The following SLC25A33 variants were observed in gnomAD, a reference collection of about 807,000 sequenced individuals.
The protein encoded by SLC25A33 is bone marrow stromal cell mitochondrial carrier protein.
Under a neutral mutation model 35.5 loss-of-function variants are expected in SLC25A33, and 15 were observed. The ratio of observed to expected loss-of-function variants is 0.42; its 90% confidence interval spans 0.28 to 0.65. SLC25A33 has a LOEUF of 0.65. Among genes scored for constraint, SLC25A33 ranks in the 30% least tolerant of loss-of-function variants. The pLI is 0.20. For synonymous variants in SLC25A33, 136 were observed against 148.7 expected (o/e 0.91, Z 0.62); for missense variants, 257 against 398.5 (o/e 0.64, Z 3.02).
intron 1 of SLC25A33, among the ~76,000 whole-genome samples, chr1:9,545,934 G>A (rs1643160480): frequency 6.6e-6 from 1 of 151,384 alleles, no homozygotes; most frequent in South Asian, 2.1e-4. Flanking sequence ...CTGCACTCCA[G>A]CCTGGGCAAC....
chr1:9,541,861 GCC>G (rs1305726373), intron 1 of SLC25A33, among the ~76,000 whole-genome samples: 8 of 151,508 alleles, frequency 5.3e-5, no homozygotes, highest in Non-Finnish European at 1.2e-4. Flanking sequence ...GTGCAGTGGC[GCC>G]ATCTCGGCTC....
chr1:9,565,398 C>T (rs1316270284), intron 2 of SLC25A33, among the ~76,000 whole-genome samples: 2 of 151,656 alleles, frequency 1.3e-5, no homozygotes, highest in Non-Finnish European at 2.9e-5. Flanking sequence ...TGCCTGTAGT[C>T]CCAGCTACTT....
chr1:9,542,925 C>T (rs1312073631), intron 1 of SLC25A33, among the ~76,000 whole-genome samples: 2 of 151,014 alleles, frequency 1.3e-5, no homozygotes, highest in South Asian at 2.1e-4. Flanking sequence ...CAATTTGATT[C>T]GCGTGCCTCA....
chr1:9,555,955 G>T (rs763127683), intron 2 of SLC25A33, among the ~76,000 whole-genome samples: 8 of 152,194 alleles, frequency 5.3e-5, no homozygotes, highest in Admixed American at 1.3e-4. Flanking sequence ...GAAGTACTGG[G>T]ATTATGGGCA....
chr1:9,556,140 C>T (rs1432242499), intron 2 of SLC25A33: 12 of 953,856 alleles, frequency 1.3e-5, no homozygotes, highest in Non-Finnish European at 1.4e-5. Context: ...CAAGATGGGA[C>T]TGTGAGAACA....
chr1:9,550,645 G>A (rs919308577), intron 1 of SLC25A33, among the ~76,000 whole-genome samples: 5 of 151,866 alleles, frequency 3.3e-5, no homozygotes, highest in African/African-American at 7.3e-5. Flanking sequence ...AAGTTTTTAC[G>A]TCTATCATTT....
intron 5 of SLC25A33, among the ~76,000 whole-genome samples, chr1:9,574,425 T>TA (rs1454861979): frequency 6.6e-5 from 10 of 152,216 alleles, no homozygotes; most frequent in African/African-American, 2.4e-4. Flanking sequence ...TTGTCAGTGA[T>TA]ACAGTAGTAT....
intron 6 of SLC25A33, 28 bp downstream of exon 6, chr1:9,580,262 C>T (rs987832484): frequency 3.1e-6 from 5 of 1,601,848 alleles, no homozygotes; most frequent in Non-Finnish European, 4.3e-6. Flanking sequence ...TCTTCCAGAG[C>T]AGTAAAACAG....
At chr1:9,563,838 T>C (rs1254417926) in intron 2 of SLC25A33, among the ~76,000 whole-genome samples, 1 of 152,084 alleles carries the variant, frequency 6.6e-6, no homozygotes, top group Non-Finnish European at 1.5e-5. Context: ...TTTTGTATTT[T>C]TAGTAGAGAC....
chr1:9,552,252 G>A (rs868051230), intron 1 of SLC25A33, among the ~76,000 whole-genome samples: 11 of 152,032 alleles, frequency 7.2e-5, no homozygotes, highest in Admixed American at 7.2e-4. Flanking sequence ...GTCTTGCTCT[G>A]TCACCCAGGC....
intron 2 of SLC25A33, among the ~76,000 whole-genome samples, chr1:9,564,769 C>CAA (rs1643479662): frequency 9.7e-6 from 1 of 102,968 alleles, no homozygotes; most frequent in Non-Finnish European, 2.1e-5. Flanking sequence ...TATATATACA[C>CAA]AAAAATTAGC....
chr1:9,585,019 C>G lies in SLC25A33; in HGVS notation c.*2518C>G, dbSNP rs1389777837. On this transcript the variant is annotated 3_prime_UTR_variant, in exon 7 of 7. Coordinates refer to ENST00000302692, the MANE Select transcript of SLC25A33 (RefSeq NM_032315.3). ...GAGTAACATCTAATTTTAATATTCA[C>G]ATTCCTATTTTAATATTCATATTCG... 1 of 152,210 alleles carries G rather than the reference C, an allele frequency of 6.6e-6. No individual in the cohort carries two copies. Among genetic ancestry groups the G allele is most frequent in the Non-Finnish European group, 1.5e-5 (1 of 68,054 alleles). 9.4% of individuals were successfully genotyped at this position (152,210 alleles called of 1,614,324 possible).
rs1643070888 is a variant in SLC25A33 at position 9,541,014 on chromosome 1, CTG to C, written c.56+1269_56+1270del. On this transcript the variant is annotated intron_variant, in intron 1 of 6. Transcript: ENST00000302692. ...TTTTTTTTTGAGAGGGAGTCTTCCT[CTG>C]TCGCCCAGGCTGGAGTGCAGTGGTG... 2.0e-5 allele frequency among the ~76,000 whole-genome samples: 3 copies of C among 152,120 alleles called. No individual in the cohort carries two copies. In the South Asian group the frequency reaches 6.2e-4, roughly 32 times the overall value.
At chr1:9,556,367 T>A in intron 2 of SLC25A33, 2 of 407,358 alleles carry the variant, frequency 4.9e-6, no homozygotes, top group Non-Finnish European at 6.6e-6. Context: ...AGTGTGGGTG[T>A]CAATAGGGCC....
At chr1:9,552,905 T>C (rs1191709171) in intron 1 of SLC25A33, among the ~76,000 whole-genome samples, 2 of 149,970 alleles carry the variant, frequency 1.3e-5, no homozygotes, top group Non-Finnish European at 3.0e-5. Flanking sequence ...GCTCTGGGAT[T>C]TCAACTTTTT....
At chr1:9,555,740 A>G (rs548295080) in intron 2 of SLC25A33, among the ~76,000 whole-genome samples, 1 of 152,162 alleles carries the variant, frequency 6.6e-6, no homozygotes, top group African/African-American at 2.4e-5. Context: ...GCTGGAGTGC[A>G]GTGGTACGAT....
intron 4 of SLC25A33, among the ~76,000 whole-genome samples, chr1:9,572,566 C>T (rs1197590757): frequency 1.3e-5 from 2 of 151,946 alleles, no homozygotes; most frequent in Admixed American, 6.6e-5. Context: ...TGCAGTGAGC[C>T]GAGATCGCGC....
chr1:9,546,586 T>G (rs1260445570), intron 1 of SLC25A33, among the ~76,000 whole-genome samples: 3 of 152,212 alleles, frequency 2.0e-5, no homozygotes, highest in Non-Finnish European at 4.4e-5. Context: ...CTCAGAACTG[T>G]TAAGACAAGC....
chr1:9,580,722 G>A (rs895567169), intron 6 of SLC25A33, among the ~76,000 whole-genome samples: 1 of 151,938 alleles, frequency 6.6e-6, no homozygotes, highest in African/African-American at 2.4e-5. Flanking sequence ...TGGGCGTGGT[G>A]GCGCACGCCT....
Sources: allele counts gnomAD v4.1 joint callset (sites outside exome capture counted in the v4.1 genomes callset), GRCh38; gene constraint gnomAD v4.1.1; transcripts MANE v1.5; gene names NCBI Gene and HGNC (gene_info 2026-07-23, HGNC 2026-07-21).